The following SLC6A6 variants were observed in gnomAD, a reference collection of about 807,000 sequenced individuals.
SLC6A6 encodes solute carrier family 6 member 6.
SLC6A6 carries 16 observed loss-of-function variants against 68.8 expected under a neutral mutation model. The observed-to-expected ratio is 0.23, with a 90% CI of 0.16 to 0.35. The LOEUF (loss-of-function observed/expected upper bound fraction) is 0.35. Among genes scored for constraint, SLC6A6 ranks in the 10% least tolerant of loss-of-function variants. The probability of loss-of-function intolerance (pLI) is 1.00; values close to 1 mark genes in which losing one functional copy is unlikely to be tolerated. For synonymous variants in SLC6A6, 312 were observed against 315.4 expected, an observed-to-expected ratio of 0.99 and a Z score of 0.12; for missense variants, 474 against 802.8, an observed-to-expected ratio of 0.59 and a Z score of 4.95.
intron 5 of SLC6A6, among the ~76,000 whole-genome samples, chr3:14,456,935 T>C (rs1700381709): frequency 6.6e-6 from 1 of 152,226 alleles, no homozygotes. Flanking sequence ...GCAGGGCCGA[T>C]GTCTCTGTTC....
intron 5 of SLC6A6, among the ~76,000 whole-genome samples, chr3:14,455,708 G>A (rs1481136509): frequency 6.6e-6 from 1 of 152,220 alleles, no homozygotes; most frequent in Non-Finnish European, 1.5e-5. Flanking sequence ...GAAGTCTTGG[G>A]CCACTGCCCA....
chr3:14,477,167 G>A lies in SLC6A6; in HGVS notation c.1210-38G>A, dbSNP rs1165617420. 38 of 1,595,920 alleles carry A rather than the reference G, an allele frequency of 2.4e-5. No homozygotes were observed. The highest frequency in any genetic ancestry group is 3.0e-5 in the Non-Finnish European group (35 of 1,167,434). ...AGCAGCAGGCAAGGGTGGCCTGAGC[G>A]TCAGCCGCTCACCAGCTCTCTCTCT... is the stretch of plus-strand genomic sequence containing the variant. On this transcript the variant is annotated intron_variant, in intron 10 of 14. Transcript: ENST00000622186. The surrounding 1 kb of genome is among the most constrained non-coding windows in gnomAD (Gnocchi z 4.2).
Position 14,486,585 on chromosome 3 carries a change from C to CA in SLC6A6, c.*1579dup, listed in dbSNP as rs1701172636. On this transcript the variant is annotated 3_prime_UTR_variant, in exon 15 of 15. Coordinates refer to ENST00000622186, the MANE Select transcript of SLC6A6 (RefSeq NM_003043.6). ...TACTATACCTTTCAAATCCCCAGGG[C>CA]AGACACACCCCCACCCAGCCCCTAT... 1 of 152,596 alleles carries CA rather than the reference C, an allele frequency of 6.6e-6. No individual in the cohort carries two copies. Among genetic ancestry groups the CA allele is most frequent in the Non-Finnish European group, 1.5e-5 (1 of 68,054 alleles). The allele number at this position is 152,596 out of a possible 1,614,324, so 9.5% of individuals were successfully genotyped here. A position where few individuals can be genotyped will look rare whatever the true frequency, so the allele number is the denominator to read the frequency against.
In SLC6A6 at chr3:14,481,832, G is replaced by C; in HGVS notation, c.1713G>C (p.Pro571=). ...TCCGCCTCTGCCAGACTGAGGGGCC[G>C]TTCCTTGTGGTAAGTGCTTGGGCCC... ...IVIRLCQTEG[P]FLVRVKYLLT... is the part of the protein sequence containing the mutation. The change falls in exon 14 of 15, where the codon CCG becomes CCC. Residue 571 remains proline (P), a synonymous_variant. Coordinates refer to ENST00000622186, the MANE Select transcript of SLC6A6 (RefSeq NM_003043.6). The surrounding 1 kb of genome is among the most constrained non-coding windows in gnomAD (Gnocchi z 4.7). 4 of 1,613,644 alleles carry C rather than the reference G, an allele frequency of 2.5e-6. No individual in the cohort carries two copies. Among genetic ancestry groups the C allele is most frequent in the Non-Finnish European group, 3.4e-6 (4 of 1,179,694 alleles).
intron 5 of SLC6A6, among the ~76,000 whole-genome samples, chr3:14,453,092 C>T (rs539808617): frequency 3.3e-5 from 5 of 152,356 alleles, no homozygotes; most frequent in African/African-American, 7.2e-5. Flanking sequence ...TCTGGGCGGA[C>T]GGGCCCTTTT....
intron 2 of SLC6A6, among the ~76,000 whole-genome samples, chr3:14,436,531 C>CTTTTTTTTT (rs58996264): frequency 1.3e-4 from 15 of 112,572 alleles, no homozygotes; most frequent in East Asian, 3.3e-4. Flanking sequence ...CAACAACTCC[C>CTTTTTTTTT]TTTTTTTTTT....
In SLC6A6 at chr3:14,477,832, G is replaced by A. The variant is rs555494842; in HGVS notation, c.1347+490G>A. ...ATACACTATTCAGAGGGTGAGCAGG[G>A]GCCAGGAGGAGGGGCGATTTCAGAT... On this transcript the variant is annotated intron_variant, in intron 11 of 14. Coordinates refer to ENST00000622186, the MANE Select transcript of SLC6A6 (RefSeq NM_003043.6). This position sits in a 1 kb window ranked among gnomAD's most constrained non-coding sequence, Gnocchi z 4.2. 1.3e-5 allele frequency among the ~76,000 whole-genome samples: 2 copies of A among 152,280 alleles called. No homozygotes were observed. The highest frequency in any genetic ancestry group is 4.8e-5 in the African/African-American group (2 of 41,550).
chr3:14,469,928 C>T (rs1700713590), intron 9 of SLC6A6, among the ~76,000 whole-genome samples: 1 of 152,112 alleles, frequency 6.6e-6, no homozygotes, highest in Admixed American at 6.5e-5. Flanking sequence ...GCCCAAAGAG[C>T]CCCCAAAAGC....
At chr3:14,422,828 A>T (rs1201997992) in intron 2 of SLC6A6, among the ~76,000 whole-genome samples, 4 of 152,168 alleles carry the variant, frequency 2.6e-5, no homozygotes, top group African/African-American at 7.2e-5. Context: ...TGTCACAAGG[A>T]GGGGGCTAGG....
intron 2 of SLC6A6, among the ~76,000 whole-genome samples, chr3:14,420,764 A>G (rs1035600281): frequency 2.0e-5 from 3 of 152,192 alleles, no homozygotes; most frequent in African/African-American, 7.2e-5. Context: ...GATTACAGGC[A>G]TGAGCCACCG....
intron 10 of SLC6A6, among the ~76,000 whole-genome samples, chr3:14,473,834 A>G (rs1469854849): frequency 4.6e-5 from 7 of 152,248 alleles, no homozygotes; most frequent in Admixed American, 4.6e-4. Context: ...AAAGAAAAAA[A>G]CAAAAACAGA....
At position 14,486,952 on chromosome 3, in the gene SLC6A6, G is replaced by A. The variant is rs11713359; in HGVS notation, c.*1945G>A. ...GTTTTTCTATGTATTTATGGTTGCC[G>A]TTTGTGTCTGATTTGATTTTACTGT... On this transcript the variant is annotated 3_prime_UTR_variant, in exon 15 of 15. Transcript: ENST00000622186. 0.17 allele frequency: 25,917 copies of A among 152,362 alleles called. 2,343 individuals are homozygous for A. Among genetic ancestry groups the A allele is most frequent in the Middle Eastern group, 0.27 (78 of 294 alleles). 9.4% of individuals were successfully genotyped at this position (152,362 alleles called of 1,614,324 possible).
intron 2 of SLC6A6, among the ~76,000 whole-genome samples, chr3:14,435,499 A>G (rs1332069124): frequency 6.6e-6 from 1 of 152,196 alleles, no homozygotes; most frequent in Non-Finnish European, 1.5e-5. Flanking sequence ...CCTCAACAGA[A>G]TTCACTTTCA....
chr3:14,430,331 G>T lies in SLC6A6; in HGVS notation c.-11-13293G>T, dbSNP rs375963874. ...CACGTGGGAGCAGAGGTCAGGGCAC[G>T]CCTCCAAGGAGTTTCCAATGGTTGG... On this transcript the variant is annotated intron_variant, in intron 2 of 14. Coordinates refer to ENST00000622186, the MANE Select transcript of SLC6A6 (RefSeq NM_003043.6). 9.2e-5 allele frequency among the ~76,000 whole-genome samples: 14 copies of T among 152,174 alleles called. No homozygotes were observed. The East Asian group carries it at 2.7e-3, about 30-fold the overall frequency.
intron 9 of SLC6A6, among the ~76,000 whole-genome samples, chr3:14,470,489 C>T (rs1396666234): frequency 6.6e-6 from 1 of 152,230 alleles, no homozygotes; most frequent in African/African-American, 2.4e-5. Flanking sequence ...GTTCACCATG[C>T]ACTTTTAGAG....
chr3:14,420,436 T>C (rs1327425380), intron 2 of SLC6A6, among the ~76,000 whole-genome samples: 1 of 151,658 alleles, frequency 6.6e-6, no homozygotes, highest in Admixed American at 6.6e-5. Context: ...ATTTAATTAA[T>C]CCCATAGTGA....
intron 1 of SLC6A6, among the ~76,000 whole-genome samples, chr3:14,407,007 T>A (rs779326294): frequency 3.3e-5 from 5 of 151,412 alleles, no homozygotes; most frequent in Non-Finnish European, 5.9e-5. Context: ...AATCAGAACC[T>A]CCAGGGGGAT....
At chr3:14,459,594 C>CTG (rs1437684452) in intron 6 of SLC6A6, among the ~76,000 whole-genome samples, 4 of 152,092 alleles carry the variant, frequency 2.6e-5, no homozygotes, top group Non-Finnish European at 5.9e-5. Context: ...CGGTCCTGCC[C>CTG]GGAACAGGCG....
Position 14,485,162 on chromosome 3 carries a change from G to GTGTC in SLC6A6, c.*158_*159insCTGT. ...TAATTGTGGGTATGTGTGCGTGCGT[G>GTGTC]TGTGTGTGTGTGTGTATCGTGTGTG... On this transcript the variant is annotated 3_prime_UTR_variant, in exon 15 of 15. Transcript: ENST00000622186. 1 of 520,546 alleles carries GTGTC rather than the reference G, an allele frequency of 1.9e-6. No individual in the cohort carries two copies. The highest frequency in any genetic ancestry group is 3.4e-6 in the Non-Finnish European group (1 of 296,868). 32.2% of individuals were successfully genotyped at this position (520,546 alleles called of 1,614,324 possible). A position where few individuals can be genotyped will look rare whatever the true frequency, so the allele number is the denominator to read the frequency against.
Sources: allele counts gnomAD v4.1 joint callset (sites outside exome capture counted in the v4.1 genomes callset), GRCh38; gene constraint gnomAD v4.1.1; non-coding constraint Gnocchi (gnomAD v3.1); transcripts MANE v1.5; gene names NCBI Gene and HGNC (gene_info 2026-07-23, HGNC 2026-07-21).